Variants in ZNF391 observed in about 807,000 individuals in gnomAD.
The protein encoded by ZNF391 is zinc finger protein 391.
For missense variants in ZNF391, 375 were observed against 425.5 expected (o/e 0.88, Z 1.04); for synonymous variants, 126 against 142.1 (o/e 0.89, Z 0.80).
At position 27,403,237 on chromosome 6, in the gene ZNF391, T is replaced by A. The variant is rs983481754; in HGVS notation, c.*1790T>A. ...TTCATAGTTTGATCTACTTACTTAC[T>A]TCCTTTCTCTTCTCAAAGATAATAC... On this transcript the variant is annotated 3_prime_UTR_variant, in exon 3 of 3. Coordinates refer to ENST00000244576, the MANE Select transcript of ZNF391 (RefSeq NM_001076781.3). 1 of 152,204 alleles carries A rather than the reference T, an allele frequency of 6.6e-6. No homozygotes were observed. Among genetic ancestry groups the A allele is most frequent in the African/African-American group, 2.4e-5 (1 of 41,458 alleles). 9.4% of individuals were successfully genotyped at this position (152,204 alleles called of 1,614,324 possible).
At chr6:27,399,661 T>G (rs1761907158) in intron 2 of ZNF391, 111 bp downstream of exon 2, 1 of 152,236 alleles carries the variant, frequency 6.6e-6, no homozygotes, top group African/African-American at 2.4e-5. Context: ...CTGTTTTCTA[T>G]CTGTCAGATG....
intron 1 of ZNF391, among the ~76,000 whole-genome samples, chr6:27,377,201 A>G (rs1761431255): frequency 6.6e-6 from 1 of 152,218 alleles, no homozygotes; most frequent in South Asian, 2.1e-4. Flanking sequence ...ATCATTGTCA[A>G]ATAAACTAGG....
chr6:27,391,201 CTT>C (rs386406591), intron 1 of ZNF391: 10 of 97,266 alleles, frequency 1.0e-4, no homozygotes, highest in South Asian at 7.3e-4. Context: ...ATTCATTGTA[CTT>C]TTTTTTTTTT....
intron 1 of ZNF391, among the ~76,000 whole-genome samples, chr6:27,397,898 G>A (rs1231445557): frequency 6.6e-6 from 1 of 152,154 alleles, no homozygotes; most frequent in Non-Finnish European, 1.5e-5. Context: ...CCAGAGTGTT[G>A]GGATTACAGG....
At chr6:27,386,289 A>G (rs771140339), upstream of ZNF391, among the ~76,000 whole-genome samples, 1 of 152,200 alleles carries the variant, frequency 6.6e-6, no homozygotes, top group Non-Finnish European at 1.5e-5. Flanking sequence ...AAGACATCCC[A>G]TGTTCATGGG....
At chr6:27,396,472 C>A (rs1325893083) in intron 1 of ZNF391, among the ~76,000 whole-genome samples, 5 of 152,106 alleles carry the variant, frequency 3.3e-5, no homozygotes, top group African/African-American at 7.2e-5. Context: ...TGCCTGTAAT[C>A]CCAGCGCTTT....
Position 27,374,687 on chromosome 6 carries a change from T to C in ZNF391, n.73T>C, listed in dbSNP as rs1468991666. On this transcript the variant is annotated non_coding_transcript_exon_variant, in exon 1 of 3. Coordinates refer to the ZNF391 transcript ENST00000477999. The surrounding 1 kb of genome is among the most constrained non-coding windows in gnomAD (Gnocchi z 5.3). Reference sequence around the variant, plus strand: ...GAGCGGCTTCTCCAGTTTGTGGCTCTCGGAGAGTTCGCCTCGTCCCTCCCT... The same window carrying C: ...GAGCGGCTTCTCCAGTTTGTGGCTCCCGGAGAGTTCGCCTCGTCCCTCCCT... 6.6e-6 allele frequency: 1 copy of C among 152,130 alleles called. No individual in the cohort carries two copies. Among genetic ancestry groups the C allele is most frequent in the Non-Finnish European group, 1.5e-5 (1 of 68,048 alleles). 9.4% of individuals were successfully genotyped at this position (152,130 alleles called of 1,614,324 possible).
At chr6:27,385,159 G>A (rs9468101), upstream of ZNF391, among the ~76,000 whole-genome samples, 107,037 of 151,804 alleles carry the variant, frequency 0.71, 37,984 homozygotes, top group Middle Eastern at 0.8. Flanking sequence ...AAAAAGAAGT[G>A]TAACTAATAT....
At chr6:27,381,454 G>T (rs1184552624) in intron 1 of ZNF391, among the ~76,000 whole-genome samples, 3 of 152,238 alleles carry the variant, frequency 2.0e-5, no homozygotes, top group African/African-American at 7.2e-5. Context: ...ACACCTACCC[G>T]CAAGCTGAGG....
rs1401042728 is a variant in ZNF391, at chr6:27,401,227, T to G, written c.857T>G (p.Phe286Cys). Residue 286 changes from phenylalanine to cysteine, a missense_variant, in exon 3 of 3, where the codon TTC becomes TGC. Coordinates refer to ENST00000244576, the MANE Select transcript of ZNF391 (RefSeq NM_001076781.3). ...PYECSECGKV[F>C]SRSSSLTEHQ... Reference sequence around the variant, plus strand: ...GAGTGCAGTGAATGTGGGAAAGTGTTCAGTCGAAGCTCGTCTCTTACAGAA... The same window carrying G: ...GAGTGCAGTGAATGTGGGAAAGTGTGCAGTCGAAGCTCGTCTCTTACAGAA... The G allele has an allele frequency of 2.5e-6, 4 of 1,614,018 alleles. No individual in the cohort carries two copies. The highest frequency in any genetic ancestry group is 3.4e-6 in the Non-Finnish European group (4 of 1,180,016).
Position 27,399,519 on chromosome 6 carries a change from G to GA in ZNF391, c.-108dup, listed in dbSNP as rs1761903396. 1 of 152,224 alleles carries GA rather than the reference G, an allele frequency of 6.6e-6. No homozygotes were observed. Among genetic ancestry groups the GA allele is most frequent in the Non-Finnish European group, 1.5e-5 (1 of 68,042 alleles). 9.4% of individuals were successfully genotyped at this position (152,224 alleles called of 1,614,324 possible). A position where few individuals can be genotyped will look rare whatever the true frequency, so the allele number is the denominator to read the frequency against. Reference sequence around the variant, plus strand: ...GTAGATGTTGGATCTTCAGGAAGCTGAAGAGGGCAGTGCCCAGAAATACCT... The same window carrying GA: ...GTAGATGTTGGATCTTCAGGAAGCTGAAAGAGGGCAGTGCCCAGAAATACCT... On this transcript the variant is annotated 5_prime_UTR_variant, in exon 2 of 3. An upstream open reading frame in the 5' UTR loses its in-frame stop. Coordinates refer to ENST00000244576, the MANE Select transcript of ZNF391 (RefSeq NM_001076781.3).
chr6:27,400,482 T>A lies in ZNF391; in HGVS notation c.112T>A (p.Phe38Ile), dbSNP rs766940945. Reference sequence around the variant, plus strand: ...ATGTCCTGCACAGAAGAAATCCTCTTTTGAGAACACAGTGGTCAGAAAAGT... The same window carrying A: ...ATGTCCTGCACAGAAGAAATCCTCTATTGAGAACACAGTGGTCAGAAAAGT... ...TKCPAQKKSS[F>I]ENTVVRKVSV... The change falls in exon 3 of 3, where the codon TTT (phenylalanine) becomes ATT (isoleucine). Residue 38 changes from phenylalanine to isoleucine, a missense_variant. Coordinates refer to ENST00000244576, the MANE Select transcript of ZNF391 (RefSeq NM_001076781.3). 2 of 1,614,176 alleles carry A rather than the reference T, an allele frequency of 1.2e-6. No individual in the cohort carries two copies. Among genetic ancestry groups the A allele is most frequent in the South Asian group, 2.2e-5 (2 of 91,084 alleles).
chr6:27,391,921 A>G (rs1411685680), intron 1 of ZNF391, among the ~76,000 whole-genome samples: 1 of 152,088 alleles, frequency 6.6e-6, no homozygotes, highest in African/African-American at 2.4e-5. Flanking sequence ...GAGATCTTAC[A>G]TGTCTCCGAG....
Position 27,389,646 on chromosome 6 carries a change from A to G in ZNF391, c.-188+571A>G, listed in dbSNP as rs1581529709. Among the ~76,000 whole-genome samples the G allele has an allele frequency of 2.0e-5, 3 of 152,308 alleles. No individual in the cohort carries two copies. In the East Asian group the frequency reaches 5.8e-4, roughly 30 times the overall value. Reference sequence around the variant, plus strand: ...CGGTGAAACCCGTTCTCTACTAAAAATACAAAAATTAGGTGGGAGTGGTGG... The same window carrying G: ...CGGTGAAACCCGTTCTCTACTAAAAGTACAAAAATTAGGTGGGAGTGGTGG... On this transcript the variant is annotated intron_variant, in intron 1 of 2. Transcript: ENST00000244576.
At chr6:27,392,943 A>G (rs1761746929) in intron 1 of ZNF391, among the ~76,000 whole-genome samples, 1 of 151,804 alleles carries the variant, frequency 6.6e-6, no homozygotes, top group African/African-American at 2.4e-5. Context: ...TATTCATACA[A>G]TTCTTAGAAT....
At chr6:27,386,385 G>C (rs1417181314), upstream of ZNF391, among the ~76,000 whole-genome samples, 1 of 152,100 alleles carries the variant, frequency 6.6e-6, no homozygotes, top group Non-Finnish European at 1.5e-5. Context: ...ACATTTGTTT[G>C]CAGAAATAGA....
intron 1 of ZNF391, chr6:27,391,213 T>TTTC (rs1761705234): frequency 1.4e-5 from 2 of 147,648 alleles, no homozygotes; most frequent in Non-Finnish European, 3.0e-5. Flanking sequence ...TTTTTTTTTT[T>TTTC]TTTTTTTTGA....
chr6:27,393,988 T>C (rs1000337516), intron 1 of ZNF391, among the ~76,000 whole-genome samples: 1 of 152,056 alleles, frequency 6.6e-6, no homozygotes, highest in Non-Finnish European at 1.5e-5. Flanking sequence ...TGTCCTCAGA[T>C]GTAGAAGCAA....
chr6:27,398,983 C>T (rs1761891090), intron 1 of ZNF391, among the ~76,000 whole-genome samples: 1 of 152,184 alleles, frequency 6.6e-6, no homozygotes, highest in South Asian at 2.1e-4. Context: ...CTATGGAAAG[C>T]TGAGTTTCTG....
Sources: allele counts gnomAD v4.1 joint callset (sites outside exome capture counted in the v4.1 genomes callset), GRCh38; gene constraint gnomAD v4.1.1; non-coding constraint Gnocchi (gnomAD v3.1); transcripts MANE v1.5; gene names NCBI Gene and HGNC (gene_info 2026-07-23, HGNC 2026-07-21).